The following SEMA3E variants were observed in gnomAD, a reference collection of about 807,000 sequenced individuals.
The protein encoded by SEMA3E is semaphorin 3E.
Under a neutral mutation model 93.6 loss-of-function variants are expected in SEMA3E, and 49 were observed. The observed-to-expected ratio is 0.52, with a 90% confidence interval of 0.42 to 0.66. The LOEUF (loss-of-function observed/expected upper bound fraction) is 0.66. SEMA3E is among the 30% of genes least tolerant of loss of function. The pLI, the probability that SEMA3E is intolerant of heterozygous loss-of-function variation, is 0.00. For synonymous variants in SEMA3E, 363 were observed against 330.7 expected, an observed-to-expected ratio of 1.10 and a Z score of -1.06; for missense variants, 906 against 964.8, an observed-to-expected ratio of 0.94 and a Z score of 0.81.
chr7:83,636,337 A>G (rs891630048), intron 1 of SEMA3E, among the ~76,000 whole-genome samples: 6 of 152,110 alleles, frequency 3.9e-5, no homozygotes, highest in Non-Finnish European at 7.4e-5. Context: ...TGTATTCTCA[A>G]TGCTCTCCCA....
At chr7:83,386,946 C>CT (rs1305599914) in intron 15 of SEMA3E, 37 bp downstream of exon 15, 1 of 1,584,834 alleles carries the variant, frequency 6.3e-7, no homozygotes, top group Non-Finnish European at 8.7e-7. Flanking sequence ...AATGTATTCT[C>CT]TGAGTAACCC....
intron 12 of SEMA3E, 30 bp downstream of exon 12, chr7:83,396,608 A>C (rs774135298): frequency 1.5e-6 from 2 of 1,365,342 alleles, no homozygotes; most frequent in Non-Finnish European, 2.1e-6. Context: ...GTAATGCATA[A>C]ATTTGGTCTG....
At chr7:83,399,964 T>A in intron 11 of SEMA3E, 64 bp downstream of exon 11, 1 of 1,235,182 alleles carries the variant, frequency 8.1e-7, no homozygotes, top group Admixed American at 1.7e-5. Flanking sequence ...TTTAGAAATA[T>A]TATTAAAATT....
intron 1 of SEMA3E, among the ~76,000 whole-genome samples, chr7:83,512,302 G>C (rs993660975): frequency 1.3e-5 from 2 of 152,140 alleles, no homozygotes; most frequent in South Asian, 2.1e-4. Context: ...GAAAGTCTTT[G>C]GAGAGGAGCA....
At chr7:83,603,205 A>T (rs1381872544) in intron 1 of SEMA3E, among the ~76,000 whole-genome samples, 1 of 152,148 alleles carries the variant, frequency 6.6e-6, no homozygotes, top group Non-Finnish European at 1.5e-5. Context: ...GGTACTGTGA[A>T]TGTGTACATC....
At chr7:83,586,402 T>C (rs564373441) in intron 1 of SEMA3E, among the ~76,000 whole-genome samples, 29 of 152,122 alleles carry the variant, frequency 1.9e-4, no homozygotes, top group African/African-American at 5.3e-4. Flanking sequence ...TACTAAACCA[T>C]GTGGGACACC....
intron 1 of SEMA3E, among the ~76,000 whole-genome samples, chr7:83,627,710 C>T (rs1793701011): frequency 8.5e-6 from 1 of 118,238 alleles, no homozygotes; most frequent in South Asian, 2.9e-4. Context: ...CTATGTATGT[C>T]TTTGTATGTG....
At chr7:83,532,915 C>T (rs1347265275) in intron 1 of SEMA3E, among the ~76,000 whole-genome samples, 1 of 152,058 alleles carries the variant, frequency 6.6e-6, no homozygotes, top group East Asian at 1.9e-4. Flanking sequence ...ACCACGGGAA[C>T]TCTCATCACT....
At chr7:83,581,942 C>G (rs73380750) in intron 1 of SEMA3E, among the ~76,000 whole-genome samples, 1 of 151,858 alleles carries the variant, frequency 6.6e-6, no homozygotes, top group Non-Finnish European at 1.5e-5. Flanking sequence ...GAATTAACCT[C>G]AAAATACTAA....
chr7:83,565,002 GATAAA>G (rs1435314690), intron 1 of SEMA3E, among the ~76,000 whole-genome samples: 2 of 152,062 alleles, frequency 1.3e-5, no homozygotes, highest in African/African-American at 4.8e-5. Context: ...AATAAAAAAT[GATAAA>G]GGGGATATCA....
chr7:83,511,561 G>T lies in SEMA3E; in HGVS notation c.116-21287C>A, dbSNP rs141529671. 5.3e-3 allele frequency among the ~76,000 whole-genome samples: 801 copies of T among 152,160 alleles called. 7 individuals carry two copies. Among genetic ancestry groups the T allele is most frequent in the African/African-American group, 0.019 (771 of 41,532 alleles). ...ATTTGAGGTTGGAGTCATAGTGAAG[G>T]TTCCCCTCTATTCTCCAATAGCAAC... On this transcript the variant is annotated intron_variant, in intron 1 of 16. Transcript: ENST00000643230.
chr7:83,445,367 G>GAA (rs111464407), intron 4 of SEMA3E, among the ~76,000 whole-genome samples: 1 of 151,828 alleles, frequency 6.6e-6, no homozygotes, highest in Non-Finnish European at 1.5e-5. Flanking sequence ...GAGGTGGATA[G>GAA]AAAAAAAAGG....
At chr7:83,554,506 C>T (rs1310640932) in intron 1 of SEMA3E, among the ~76,000 whole-genome samples, 1 of 147,802 alleles carries the variant, frequency 6.8e-6, no homozygotes, top group East Asian at 2.0e-4. Context: ...ACACATTCAA[C>T]AAAATTGGAG....
chr7:83,563,087 T>C (rs1354564034), intron 1 of SEMA3E, among the ~76,000 whole-genome samples: 1 of 152,210 alleles, frequency 6.6e-6, no homozygotes, highest in African/African-American at 2.4e-5. Context: ...ATGCTCTGTT[T>C]CTGCCTCTCA....
intron 4 of SEMA3E, among the ~76,000 whole-genome samples, chr7:83,426,944 A>C (rs1788783547): frequency 6.6e-6 from 1 of 152,094 alleles, no homozygotes; most frequent in Non-Finnish European, 1.5e-5. Context: ...CTATACTTTT[A>C]TGATTTATGA....
chr7:83,383,557 C>G (rs529428135), intron 16 of SEMA3E, among the ~76,000 whole-genome samples: 1 of 152,014 alleles, frequency 6.6e-6, no homozygotes, highest in South Asian at 2.1e-4. Context: ...CTGATTATGA[C>G]ATAACTTTTG....
At chr7:83,632,012 G>C (rs572708221) in intron 1 of SEMA3E, among the ~76,000 whole-genome samples, 3 of 152,040 alleles carry the variant, frequency 2.0e-5, no homozygotes, top group South Asian at 2.1e-4. Flanking sequence ...AAAATTAGCC[G>C]GGCATGGTGG....
chr7:83,622,193 A>G (rs571311552), intron 1 of SEMA3E, among the ~76,000 whole-genome samples: 2 of 152,326 alleles, frequency 1.3e-5, no homozygotes, highest in East Asian at 1.9e-4. Context: ...GACACTTCTC[A>G]AAAGAAGACA....
chr7:83,490,153 A>G lies in SEMA3E; in HGVS notation c.237T>C (p.Tyr79=), dbSNP rs1790350122. Residue 79 remains tyrosine, a synonymous_variant, in exon 2 of 17, where the codon TAT becomes TAC. Coordinates refer to ENST00000643230, the MANE Select transcript of SEMA3E (RefSeq NM_012431.3). ...CACTGATTCTCTCCAAGCTGAGGGA[A>G]TATACAAGGTCCCTGCCTCCCACGA... ...RLFVGGRDLV[Y]SLSLERISDG... is the part of the protein sequence containing the mutation. 1.2e-6 allele frequency: 2 copies of G among 1,612,908 alleles called. No homozygotes were observed. The highest frequency in any genetic ancestry group is 1.7e-6 in the Non-Finnish European group (2 of 1,179,376).
Sources: gnomAD v4.1 joint callset for allele counts (sites outside exome capture counted in the v4.1 genomes callset) on GRCh38, gnomAD v4.1.1 for gene constraint, MANE v1.5 for transcripts, NCBI Gene and HGNC (gene_info 2026-07-23, HGNC 2026-07-21) for gene names.